Variants in VTA1 observed in about 807,000 individuals in gnomAD.
The protein encoded by VTA1 is vacuolar protein sorting-associated protein VTA1 homolog.
VTA1 carries 24 observed loss-of-function variants against 36.9 expected under a neutral mutation model. That is an observed-to-expected ratio of 0.65 (90% CI 0.47 to 0.91). The LOEUF is 0.91. Among genes scored for constraint, VTA1 ranks in the 40% least tolerant of loss-of-function variants. VTA1 has a pLI of 0.00. For missense variants in VTA1, 393 were observed against 377.2 expected (o/e 1.04, Z -0.35); for synonymous variants, 142 against 130.2 (o/e 1.09, Z -0.62).
intron 7 of VTA1, among the ~76,000 whole-genome samples, chr6:142,212,848 G>A (rs1206156289): frequency 3.3e-5 from 5 of 152,176 alleles, no homozygotes; most frequent in East Asian, 3.9e-4. Flanking sequence ...ATAACAAGGG[G>A]CACATCAGCC....
Position 142,218,738 on chromosome 6 carries a change from A to C in VTA1, c.*95A>C. On this transcript the variant is annotated 3_prime_UTR_variant, in exon 8 of 8. Transcript: ENST00000367630. ...TATCAGGATCACAGTTTTAAGGAAG[A>C]CTTGGTTTTGTTGAATATGACAATG... 1.4e-6 allele frequency: 2 copies of C among 1,408,524 alleles called. No homozygotes were observed. Among genetic ancestry groups the C allele is most frequent in the Non-Finnish European group, 1.9e-6 (2 of 1,063,240 alleles). 87.3% of individuals were successfully genotyped at this position (1,408,524 alleles called of 1,614,324 possible). A position where few individuals can be genotyped will look rare whatever the true frequency, so the allele number is the denominator to read the frequency against.
chr6:142,152,420 T>A (rs1293766731), intron 1 of VTA1, among the ~76,000 whole-genome samples: 4 of 152,160 alleles, frequency 2.6e-5, no homozygotes, highest in African/African-American at 9.6e-5. Flanking sequence ...TTTGGTGATT[T>A]TGCTGTGTAA....
intron 7 of VTA1, among the ~76,000 whole-genome samples, chr6:142,207,293 C>T (rs1775812905): frequency 6.6e-6 from 1 of 152,134 alleles, no homozygotes. Flanking sequence ...CTTGGGTTCC[C>T]TGGCAGGAGA....
At chr6:142,180,716 T>G (rs1051623684) in intron 4 of VTA1, among the ~76,000 whole-genome samples, 5 of 152,146 alleles carry the variant, frequency 3.3e-5, no homozygotes, top group Admixed American at 3.3e-4. Context: ...GTCATGTGCA[T>G]CCTAATAAGA....
At chr6:142,181,094 A>AAAAAAAAAAAATATATATATAT (rs1471429927) in intron 4 of VTA1, among the ~76,000 whole-genome samples, 1 of 36,422 alleles carries the variant, frequency 2.7e-5, no homozygotes, top group African/African-American at 7.6e-5. Flanking sequence ...AAAAAAAAAA[A>AAAAAAAAAAAATATATATATAT]ATATATATAT....
intron 1 of VTA1, among the ~76,000 whole-genome samples, chr6:142,151,998 A>C (rs1481645115): frequency 6.6e-6 from 1 of 152,216 alleles, no homozygotes; most frequent in Non-Finnish European, 1.5e-5. Context: ...GTGCAATTGC[A>C]CTCCAACCTG....
intron 2 of VTA1, among the ~76,000 whole-genome samples, chr6:142,166,613 CCTT>C (rs1484363121): frequency 6.6e-6 from 1 of 151,440 alleles, no homozygotes; most frequent in African/African-American, 2.4e-5. Context: ...AAAAACCCCT[CCTT>C]TTTTTTTTTT....
chr6:142,186,549 G>A (rs1341524398), intron 4 of VTA1, among the ~76,000 whole-genome samples: 2 of 152,028 alleles, frequency 1.3e-5, no homozygotes, highest in African/African-American at 4.8e-5. Context: ...TGGATTCTTG[G>A]TGAATTAGGT....
intron 3 of VTA1, 49 bp from the exon 4 acceptor site, chr6:142,170,297 T>G (rs2114645917): frequency 7.2e-7 from 1 of 1,382,562 alleles, no homozygotes. Context: ...CAAAACTACA[T>G]TTTAATGTGT....
intron 4 of VTA1, among the ~76,000 whole-genome samples, chr6:142,187,012 A>G (rs1205481074): frequency 6.6e-6 from 1 of 152,228 alleles, no homozygotes; most frequent in Non-Finnish European, 1.5e-5. Context: ...CATTCAGCTC[A>G]GATAATTATT....
At chr6:142,208,705 A>G (rs1196693352) in intron 7 of VTA1, among the ~76,000 whole-genome samples, 3 of 152,220 alleles carry the variant, frequency 2.0e-5, no homozygotes, top group Admixed American at 1.3e-4. Flanking sequence ...CAAATAGCAT[A>G]TAACAGAGCT....
At chr6:142,182,464 T>C (rs1316576124) in intron 4 of VTA1, among the ~76,000 whole-genome samples, 2 of 152,182 alleles carry the variant, frequency 1.3e-5, no homozygotes, top group African/African-American at 4.8e-5. Context: ...TGTTATTAAA[T>C]AATCAAGGTA....
rs754524333 is a variant in VTA1, at chr6:142,222,194, C to T, written c.*3551C>T. The T allele has an allele frequency of 6.6e-6, 1 of 152,114 alleles. No homozygotes were observed. Among genetic ancestry groups the T allele is most frequent in the African/African-American group, 2.4e-5 (1 of 41,418 alleles). 9.4% of individuals were successfully genotyped at this position (152,114 alleles called of 1,614,324 possible). A position where few individuals can be genotyped will look rare whatever the true frequency, so the allele number is the denominator to read the frequency against. On this transcript the variant is annotated 3_prime_UTR_variant, in exon 8 of 8. Coordinates refer to ENST00000367630, the MANE Select transcript of VTA1 (RefSeq NM_016485.5). ...CCTGAAAGGAATGAGTAATCATGTA[C>T]TGCAGTAGGGAAAGTTGCCGAATTC...
chr6:142,161,722 G>A lies in VTA1; in HGVS notation c.113-4506G>A, dbSNP rs138986549. Among the ~76,000 whole-genome samples, 168 of 152,054 alleles carry A rather than the reference G, an allele frequency of 1.1e-3. No homozygotes were observed. The Middle Eastern group carries it at 0.02, about 18-fold the overall frequency. On this transcript the variant is annotated intron_variant, in intron 1 of 7. Coordinates refer to ENST00000367630, the MANE Select transcript of VTA1 (RefSeq NM_016485.5). Reference sequence around the variant, plus strand: ...CCATGTTAGACATTAATTTTTCATCGTATTGCTGCTGCTAGAATGAATTGC... The same window carrying A: ...CCATGTTAGACATTAATTTTTCATCATATTGCTGCTGCTAGAATGAATTGC...
intron 1 of VTA1, among the ~76,000 whole-genome samples, chr6:142,154,370 T>C (rs1778620936): frequency 6.6e-6 from 1 of 152,124 alleles, no homozygotes; most frequent in Non-Finnish European, 1.5e-5. Flanking sequence ...GTGTAACAGT[T>C]TAATCATTGA....
At chr6:142,214,441 GA>G (rs1441640034) in intron 7 of VTA1, among the ~76,000 whole-genome samples, 1 of 152,090 alleles carries the variant, frequency 6.6e-6, no homozygotes, top group African/African-American at 2.4e-5. Context: ...AGTGAAGGGG[GA>G]AGTGCCACAC....
rs747426206 is a variant in VTA1, at chr6:142,169,623, C to G, written c.281C>G (p.Ala94Gly). The G allele has an allele frequency of 2.5e-6, 4 of 1,609,888 alleles. No individual in the cohort carries two copies. The African/African-American group carries it at 5.3e-5, about 22-fold the overall frequency. The change falls in exon 3 of 8, where the codon GCT becomes GGT. Residue 94 changes from alanine (A) to glycine (G), a missense_variant. By Grantham distance (60) the Ala-to-Gly change is moderately conservative. Transcript: ENST00000367630. Reference protein sequence around the residue: ...IVGCAHLENYALKMFLYADNE... With the variant: ...IVGCAHLENYGLKMFLYADNE... ...GGCTGTGCCCATTTGGAGAATTATG[C>G]TTTGAAAATGTTTTTGTATGCAGAC... is the stretch of plus-strand genomic sequence containing the variant.
intron 1 of VTA1, among the ~76,000 whole-genome samples, chr6:142,160,340 GC>G (rs1200566626): frequency 1.3e-5 from 2 of 152,116 alleles, no homozygotes; most frequent in East Asian, 3.9e-4. Flanking sequence ...CCCTGTGTGT[GC>G]ATTGGGAACA....
At chr6:142,150,893 C>CAA (rs1778554762) in intron 1 of VTA1, among the ~76,000 whole-genome samples, 1 of 143,070 alleles carries the variant, frequency 7.0e-6, no homozygotes, top group African/African-American at 2.6e-5. Flanking sequence ...GCCTGGGCAG[C>CAA]AAGAGCGAAA....
Sources: allele counts gnomAD v4.1 joint callset (sites outside exome capture counted in the v4.1 genomes callset), GRCh38; gene constraint gnomAD v4.1.1; transcripts MANE v1.5; gene names NCBI Gene and HGNC (gene_info 2026-07-23, HGNC 2026-07-21).